The following PKHD1 variants were observed in gnomAD, a reference collection of about 807,000 sequenced individuals.
PKHD1 encodes PKHD1 ciliary IPT domain containing fibrocystin/polyductin, also known as fibrocystin.
In PKHD1, 291 loss-of-function variants were observed where a neutral mutation model predicts 412.0. The observed-to-expected ratio is 0.71, with a 90% CI of 0.64 to 0.78. The LOEUF (loss-of-function observed/expected upper bound fraction) is 0.78, where lower values mean the gene tolerates loss of function less well. Ranked by LOEUF, PKHD1 falls within the 30% of genes least tolerant of loss-of-function variation. PKHD1 has a pLI of 0.00. For missense variants in PKHD1, 4,825 were observed against 4,950.7 expected (o/e 0.97, Z 0.76); for synonymous variants, 1,777 against 1,821.5 (o/e 0.98, Z 0.62).
intron 1 of PKHD1, 91 bp from the exon 2 acceptor site, chr6:52,085,108 G>A: frequency 1.6e-6 from 1 of 608,676 alleles, no homozygotes; most frequent in Non-Finnish European, 3.0e-6. Flanking sequence ...TTAAGGAGAT[G>A]AGATAAACAT....
intron 60 of PKHD1, among the ~76,000 whole-genome samples, chr6:51,695,364 T>C (rs960077953): frequency 6.6e-6 from 1 of 152,114 alleles, no homozygotes; most frequent in Non-Finnish European, 1.5e-5. Flanking sequence ...CCCTTCTCCA[T>C]AGCACTTAAT....
chr6:51,859,201 A>G (rs958925568), intron 48 of PKHD1, among the ~76,000 whole-genome samples: 3 of 152,024 alleles, frequency 2.0e-5, no homozygotes, highest in Admixed American at 2.0e-4. Flanking sequence ...TGCCTCACCT[A>G]TCTTCTCATG....
intron 46 of PKHD1, among the ~76,000 whole-genome samples, chr6:51,873,940 G>A (rs1271933462): frequency 2.0e-5 from 3 of 152,176 alleles, no homozygotes; most frequent in Admixed American, 1.3e-4. Flanking sequence ...GCAAATATAT[G>A]GGAGACATCA....
intron 52 of PKHD1, among the ~76,000 whole-genome samples, chr6:51,795,963 AAT>A (rs1428310913): frequency 2.0e-5 from 3 of 152,122 alleles, no homozygotes; most frequent in Non-Finnish European, 4.4e-5. Flanking sequence ...GTTCATCAAT[AAT>A]ATTGACCCGA....
intron 49 of PKHD1, 25 bp from the exon 50 acceptor site, chr6:51,847,995 A>G: frequency 1.3e-6 from 2 of 1,546,740 alleles, no homozygotes; most frequent in African/African-American, 2.7e-5. Context: ...AAAACACAAT[A>G]GTGCTCATTT....
intron 35 of PKHD1, among the ~76,000 whole-genome samples, chr6:52,008,214 G>A (rs1179531270): frequency 6.6e-6 from 1 of 152,138 alleles, no homozygotes; most frequent in East Asian, 1.9e-4. Flanking sequence ...GGGTTATGAG[G>A]CCAGATAACT....
intron 43 of PKHD1, among the ~76,000 whole-genome samples, chr6:51,903,104 G>A (rs927345364): frequency 4.6e-5 from 7 of 152,270 alleles, no homozygotes; most frequent in South Asian, 2.1e-4. Flanking sequence ...ACCAGGAAAC[G>A]ATCAATATCT....
At chr6:51,762,172 T>C (rs1450514386) in intron 55 of PKHD1, among the ~76,000 whole-genome samples, 4 of 152,038 alleles carry the variant, frequency 2.6e-5, no homozygotes, top group Non-Finnish European at 4.4e-5. Flanking sequence ...CCACCACCAA[T>C]AGTCAATTCT....
rs138049341 is a variant in PKHD1, at chr6:51,912,107, T to C, written c.6333-151A>G. The C allele has an allele frequency of 1.5e-5, 11 of 716,326 alleles. 1 individual carries two copies. Among genetic ancestry groups the C allele is most frequent in the Middle Eastern group, 3.8e-4 (1 of 2,598 alleles). 44.4% of individuals were successfully genotyped at this position (716,326 alleles called of 1,614,324 possible). On this transcript the variant is annotated intron_variant, in intron 38 of 66. Transcript: ENST00000371117. ...CCAAATAGTGAACTATAGACACAAGTACATGAAAATTAGAAACTATGCTGA... is the reference window on the plus strand; with the variant it reads ...CCAAATAGTGAACTATAGACACAAGCACATGAAAATTAGAAACTATGCTGA...
Position 52,065,053 on chromosome 6 carries a change from A to G in PKHD1, c.881-3T>C. On this transcript the variant is annotated splice_region_variant and splice_polypyrimidine_tract_variant and intron_variant, in intron 12 of 66. Coordinates refer to ENST00000371117, the MANE Select transcript of PKHD1 (RefSeq NM_138694.4). The stretch of plus-strand genomic sequence containing the variant: ...GTGTCTAATATCACATGGAATGCCT[A>G]AAGCGAATTAAAGAAATTTATGTAT... 1 of 1,527,232 alleles carries G rather than the reference A, an allele frequency of 6.5e-7. No homozygotes were observed. The highest frequency in any genetic ancestry group is 9.0e-7 in the Non-Finnish European group (1 of 1,116,328). 94.6% of individuals were successfully genotyped at this position (1,527,232 alleles called of 1,614,324 possible).
At chr6:51,745,495 C>G (rs567778288) in intron 59 of PKHD1, among the ~76,000 whole-genome samples, 3 of 152,124 alleles carry the variant, frequency 2.0e-5, no homozygotes, top group African/African-American at 7.2e-5. Context: ...TCACCAGACG[C>G]CTATTATGCC....
chr6:51,846,134 G>A (rs1220047921), intron 50 of PKHD1, among the ~76,000 whole-genome samples: 2 of 152,154 alleles, frequency 1.3e-5, no homozygotes, highest in African/African-American at 4.8e-5. Flanking sequence ...GATCAAATCA[G>A]AAATAAAATT....
At chr6:51,702,826 G>A (rs534760883) in intron 60 of PKHD1, among the ~76,000 whole-genome samples, 17 of 146,968 alleles carry the variant, frequency 1.2e-4, no homozygotes, top group South Asian at 4.3e-4. Context: ...AAAAGAGAAA[G>A]AAAAAGGAAT....
chr6:51,769,636 T>A (rs1789711798), intron 55 of PKHD1, among the ~76,000 whole-genome samples: 1 of 151,546 alleles, frequency 6.6e-6, no homozygotes, highest in Admixed American at 6.6e-5. Context: ...TTTCTTGCAT[T>A]GATTGAGTTC....
chr6:52,013,749 C>G (rs1800096744), intron 34 of PKHD1, among the ~76,000 whole-genome samples: 1 of 152,140 alleles, frequency 6.6e-6, no homozygotes, highest in African/African-American at 2.4e-5. Flanking sequence ...GTTCTAGTAT[C>G]TAAGACTCCT....
chr6:51,795,933 T>C (rs1028440315), intron 52 of PKHD1, among the ~76,000 whole-genome samples: 2 of 152,228 alleles, frequency 1.3e-5, no homozygotes, highest in Non-Finnish European at 2.9e-5. Context: ...CAGCATTTTG[T>C]TGAGAACTTT....
At chr6:51,672,330 C>A (rs916711673) in intron 60 of PKHD1, among the ~76,000 whole-genome samples, 1 of 152,228 alleles carries the variant, frequency 6.6e-6, no homozygotes, top group Non-Finnish European at 1.5e-5. Context: ...AGCTAGTCCA[C>A]TGTCACTCAA....
At chr6:52,048,373 A>G in intron 23 of PKHD1, 119 bp downstream of exon 23, 1 of 1,061,678 alleles carries the variant, frequency 9.4e-7, no homozygotes, top group Non-Finnish European at 1.5e-6. Context: ...ACACTGGAAA[A>G]TAAATAAAAT....
At chr6:51,639,084 A>C (rs1768989101) in intron 63 of PKHD1, 128 bp from the exon 64 acceptor site, 3 of 746,584 alleles carry the variant, frequency 4.0e-6, no homozygotes, top group Non-Finnish European at 7.3e-6. Flanking sequence ...AGGTTACCTA[A>C]TCCATCAGGT....
Sources: gnomAD v4.1 joint callset for allele counts (sites outside exome capture counted in the v4.1 genomes callset) on GRCh38, gnomAD v4.1.1 for gene constraint, MANE v1.5 for transcripts, NCBI Gene and HGNC (gene_info 2026-07-23, HGNC 2026-07-21) for gene names.